The following SH2B2 variants were observed in gnomAD, a reference collection of about 807,000 sequenced individuals.
SH2B2 encodes SH2B adapter protein 2.
Under a neutral mutation model 35.7 loss-of-function variants are expected in SH2B2, and 37 were observed. The ratio of observed to expected loss-of-function variants is 1.04; its 90% CI spans 0.80 to 1.36. The LOEUF is 1.36. Ranked by LOEUF, SH2B2 falls within the 40% of genes most tolerant of loss-of-function variation. The probability of loss-of-function intolerance (pLI) is 0.00; values close to 1 mark genes in which losing one functional copy is unlikely to be tolerated. For synonymous variants in SH2B2, 383 were observed against 376.4 expected, an observed-to-expected ratio of 1.02 and a Z score of -0.20; for missense variants, 852 against 817.7, an observed-to-expected ratio of 1.04 and a Z score of -0.51.
intron 2 of SH2B2, among the ~76,000 whole-genome samples, chr7:102,304,495 T>C (rs1299964858): frequency 6.6e-6 from 1 of 152,180 alleles, no homozygotes; most frequent in Non-Finnish European, 1.5e-5. Flanking sequence ...GAGGAAAAGC[T>C]TGGGCTACCT....
intron 1 of SH2B2, among the ~76,000 whole-genome samples, chr7:102,299,412 TG>T (rs1477895065): frequency 6.6e-6 from 1 of 150,670 alleles, no homozygotes; most frequent in Non-Finnish European, 1.5e-5. Context: ...TTGGCTAGGA[TG>T]GTCTCAATCT....
At chr7:102,320,043 C>T (rs1734771) in intron 7 of SH2B2, among the ~76,000 whole-genome samples, 23,891 of 152,206 alleles carry the variant, frequency 0.16, 2,448 homozygotes, top group East Asian at 0.34. Context: ...GCAGTAATCC[C>T]TATCTTCTGG....
chr7:102,316,434 A>G (rs1793830434), intron 6 of SH2B2, among the ~76,000 whole-genome samples: 1 of 151,960 alleles, frequency 6.6e-6, no homozygotes, highest in Non-Finnish European at 1.5e-5. Flanking sequence ...TAAAAATACA[A>G]AAATTAGCCT....
chr7:102,301,261 G>A lies in SH2B2; in HGVS notation c.711G>A (p.Glu237=), dbSNP rs782515626. ...TGGCCGAGGAACGCTTCCGCCTGGAGTTCTTCGTGCCGCCCAAAGTGAGTT... is the reference window on the plus strand; with the variant it reads ...TGGCCGAGGAACGCTTCCGCCTGGAATTCTTCGTGCCGCCCAAAGTGAGTT... ...RAVAEERFRL[E]FFVPPKASRP... Residue 237 remains glutamate (E), a synonymous_variant, in exon 2 of 9, where the codon GAG becomes GAA. Transcript: ENST00000444095. 2.1e-5 allele frequency: 33 copies of A among 1,604,828 alleles called. No individual in the cohort carries two copies. Among genetic ancestry groups the A allele is most frequent in the East Asian group, 4.6e-5 (2 of 43,952 alleles).
In SH2B2 at chr7:102,300,836, G is replaced by A. The variant is rs956655790; in HGVS notation, c.286G>A (p.Ala96Thr). 12 of 1,463,134 alleles carry A rather than the reference G, an allele frequency of 8.2e-6. No homozygotes were observed. The highest frequency in any genetic ancestry group is 1.1e-5 in the Non-Finnish European group (12 of 1,105,554). The allele number at this position is 1,463,134 out of a possible 1,614,324, so 90.6% of individuals were successfully genotyped here. ...TTRGAAVSAE[A>T]MEPELADTSA... ...TCGGGGCGCGGCCGTGAGCGCAGAG[G>A]CCATGGAGCCGGAGCTCGCGGACAC... Residue 96 changes from alanine (A) to threonine (T), a missense_variant, in exon 2 of 9, where the codon GCC (alanine) becomes ACC (threonine). Transcript: ENST00000444095.
At chr7:102,288,497 G>A (rs1408785822) in intron 1 of SH2B2, among the ~76,000 whole-genome samples, 2 of 152,106 alleles carry the variant, frequency 1.3e-5, no homozygotes, top group African/African-American at 2.4e-5. Flanking sequence ...GGTAATCAAG[G>A]GTTAATGCAC....
At chr7:102,318,154 T>C (rs1293270831) in intron 7 of SH2B2, among the ~76,000 whole-genome samples, 1 of 152,118 alleles carries the variant, frequency 6.6e-6, no homozygotes, top group Non-Finnish European at 1.5e-5. Context: ...TTTTTGTTTT[T>C]TTTTGAGACA....
intron 1 of SH2B2, among the ~76,000 whole-genome samples, chr7:102,296,199 T>C (rs1302512977): frequency 1.3e-5 from 2 of 152,178 alleles, no homozygotes; most frequent in African/African-American, 4.8e-5. Context: ...AGAGAGGGAA[T>C]TCCCACGGTG....
intron 3 of SH2B2, among the ~76,000 whole-genome samples, chr7:102,307,722 C>T (rs1793458138): frequency 6.6e-6 from 1 of 151,668 alleles, no homozygotes; most frequent in Admixed American, 6.6e-5. Context: ...CTCCGAGAAC[C>T]CTCCCAGCTC....
At chr7:102,316,751 G>T (rs1461312045) in intron 6 of SH2B2, among the ~76,000 whole-genome samples, 3 of 152,124 alleles carry the variant, frequency 2.0e-5, no homozygotes, top group African/African-American at 7.2e-5. Flanking sequence ...GGGCGCAATG[G>T]CTTACACCTA....
intron 7 of SH2B2, among the ~76,000 whole-genome samples, chr7:102,319,725 C>T (rs1320322508): frequency 6.6e-6 from 1 of 152,134 alleles, no homozygotes; most frequent in African/African-American, 2.4e-5. Context: ...CTGCAGCTCT[C>T]CACTAGACAC....
Position 102,308,845 on chromosome 7 carries a change from A to T in SH2B2, c.862A>T (p.Thr288Ser). Residue 288 changes from threonine (T) to serine (S), a missense_variant, in exon 4 of 9, where the codon ACC becomes TCC. Physicochemically the swap from Thr to Ser is moderately conservative, Grantham distance 58. This residue lies in a region of SH2B2 where 556 missense variants were observed against 514.5 expected (regional missense o/e 1.08). Coordinates refer to ENST00000444095, the MANE Select transcript of SH2B2 (RefSeq NM_001359228.2). The part of the protein sequence containing the change: ...VENGAEYILE[T>S]IDSLQKHSWV... ...GAATGGAGCCGAATACATCTTGGAGACCATCGACTCTCTGCAGAAGCACTC... is the reference window on the plus strand; with the variant it reads ...GAATGGAGCCGAATACATCTTGGAGTCCATCGACTCTCTGCAGAAGCACTC... The T allele has an allele frequency of 6.2e-7, 1 of 1,613,512 alleles. No individual in the cohort carries two copies. Among genetic ancestry groups the T allele is most frequent in the South Asian group, 1.1e-5 (1 of 91,062 alleles).
intron 2 of SH2B2, among the ~76,000 whole-genome samples, chr7:102,305,807 G>A (rs1793368050): frequency 6.6e-6 from 1 of 151,984 alleles, no homozygotes; most frequent in Non-Finnish European, 1.5e-5. Context: ...TCTCCTCAGG[G>A]CTTGGAGGTA....
rs565935912 is a variant in SH2B2, at chr7:102,299,449, G to A, written c.-29-1073G>A. On this transcript the variant is annotated intron_variant, in intron 1 of 8. Transcript: ENST00000444095. Reference sequence around the variant, plus strand: ...CTTGACCTCCTGATCCACCCGCCTCGGCCTCCCAAAGTGCTGAGATTACAG... The same window carrying A: ...CTTGACCTCCTGATCCACCCGCCTCAGCCTCCCAAAGTGCTGAGATTACAG... Among the ~76,000 whole-genome samples the A allele has an allele frequency of 5.4e-4, 82 of 151,570 alleles. 1 individual carries two copies. The highest frequency in any genetic ancestry group is 2.0e-3 in the African/African-American group (81 of 41,288).
In SH2B2 at chr7:102,320,357, C is replaced by T. The variant is rs782131589; in HGVS notation, c.1422C>T (p.His474=). The change falls in exon 8 of 9, where the codon CAC becomes CAT. Residue 474 remains histidine (H), a synonymous_variant. Transcript: ENST00000444095. ...AKHLRLSLNG[H]GQCHVQHLWF... is the part of the protein sequence containing the mutation. The stretch of plus-strand genomic sequence containing the variant: ...ACCTGCGCCTGTCCCTGAACGGCCA[C>T]GGCCAGTGTCACGTACAGCATCTGT... 4.0e-5 allele frequency: 65 copies of T among 1,612,524 alleles called. No homozygotes were observed. Among genetic ancestry groups the T allele is most frequent in the Non-Finnish European group, 4.7e-5 (55 of 1,179,862 alleles).
chr7:102,317,603 A>G (rs1415108243), intron 7 of SH2B2, among the ~76,000 whole-genome samples: 1 of 152,158 alleles, frequency 6.6e-6, no homozygotes, highest in Non-Finnish European at 1.5e-5. Flanking sequence ...AGTCAGCCCT[A>G]TTTCAGCCTC....
chr7:102,314,157 G>T (rs1162031202), intron 4 of SH2B2, among the ~76,000 whole-genome samples, 179 bp from the exon 5 acceptor site: 4 of 152,186 alleles, frequency 2.6e-5, no homozygotes, highest in Admixed American at 6.5e-5. Context: ...ATCACACGGT[G>T]GCCACAGAGC....
chr7:102,318,983 C>T (rs1360364011), intron 7 of SH2B2, among the ~76,000 whole-genome samples: 1 of 152,168 alleles, frequency 6.6e-6, no homozygotes, highest in Non-Finnish European at 1.5e-5. Flanking sequence ...CTTCCTGGAA[C>T]AAGACCCAGC....
At chr7:102,310,978 C>T (rs1334827821) in intron 4 of SH2B2, among the ~76,000 whole-genome samples, 5 of 152,158 alleles carry the variant, frequency 3.3e-5, no homozygotes, top group South Asian at 2.1e-4. Flanking sequence ...CAGTGGTATC[C>T]GGGCCAAGAG....
Sources: gnomAD v4.1 joint callset for allele counts (sites outside exome capture counted in the v4.1 genomes callset) on GRCh38, gnomAD v4.1.1 for gene constraint, gnomAD v4.1.1 regional missense constraint, MANE v1.5 for transcripts, NCBI Gene and HGNC (gene_info 2026-07-23, HGNC 2026-07-21) for gene names.